Variants in DNAH3 observed in about 807,000 individuals in gnomAD.
The protein encoded by DNAH3 is dynein axonemal heavy chain 3, also known as axonemal beta dynein heavy chain 3.
Under a neutral mutation model 432.5 loss-of-function variants are expected in DNAH3, and 332 were observed. The observed-to-expected ratio is 0.77, with a 90% CI of 0.70 to 0.84. DNAH3 has a LOEUF of 0.84. Among genes scored for constraint, DNAH3 ranks in the 40% least tolerant of loss-of-function variants. The pLI, the probability that DNAH3 is intolerant of heterozygous loss-of-function variation, is 0.00. For missense variants in DNAH3, 4,861 were observed against 5,114.0 expected (o/e 0.95, Z 1.51); for synonymous variants, 1,956 against 1,900.2 (o/e 1.03, Z -0.76).
intron 38 of DNAH3, among the ~76,000 whole-genome samples, chr16:21,026,779 A>G (rs1331984681): frequency 6.6e-6 from 1 of 151,820 alleles, no homozygotes. Flanking sequence ...TGAGGATGGA[A>G]AAACAACCTG....
In DNAH3 at chr16:21,028,673, A is replaced by G. The variant is rs563940852; in HGVS notation, c.5440-1546T>C. ...TGTCTCAAAAAAAAAAAAAAGAAAG[A>G]AAAATCATCAGAATTTCTAGTGTGT... On this transcript the variant is annotated intron_variant, in intron 37 of 61. Coordinates refer to ENST00000261383, the Ensembl canonical transcript of DNAH3. 1.4e-3 allele frequency among the ~76,000 whole-genome samples: 211 copies of G among 151,890 alleles called. 8 individuals carry two copies. The South Asian group carries it at 0.043, about 31-fold the overall frequency.
chr16:21,049,084 C>T (rs1306692665), intron 31 of DNAH3, among the ~76,000 whole-genome samples: 2 of 151,994 alleles, frequency 1.3e-5, no homozygotes, highest in Admixed American at 6.6e-5. Flanking sequence ...GCCTCGAACT[C>T]CTGGGCTCAA....
chr16:21,101,817 C>T (rs887914400), intron 16 of DNAH3, among the ~76,000 whole-genome samples: 23 of 152,322 alleles, frequency 1.5e-4, no homozygotes, highest in Non-Finnish European at 2.8e-4. Flanking sequence ...GCTACTCTCC[C>T]ACCTCCTGCA....
chr16:21,127,950 G>C, intron 7 of DNAH3, 138 bp from the exon 9 acceptor site: 2 of 1,074,182 alleles, frequency 1.9e-6, no homozygotes, highest in Admixed American at 4.2e-5. Flanking sequence ...ATATGGGAAA[G>C]ATGCTGAGGA....
intron 1 of DNAH3, among the ~76,000 whole-genome samples, chr16:21,153,639 G>A (rs1014527247): frequency 1.3e-5 from 2 of 152,160 alleles, no homozygotes; most frequent in African/African-American, 4.8e-5. Flanking sequence ...CACTCACGGT[G>A]AAGGTCTGCA....
At chr16:21,051,711 G>A (rs868410224) in exon 29 of DNAH3, 3 of 1,613,722 alleles carry the variant, frequency 1.9e-6, no homozygotes, top group Non-Finnish European at 2.5e-6. Context: ...CCAGCCGGGG[G>A]GAGTTTCCCA....
At chr16:20,974,810 G>A (rs142394943) in intron 51 of DNAH3, among the ~76,000 whole-genome samples, 25 of 150,622 alleles carry the variant, frequency 1.7e-4, no homozygotes, top group African/African-American at 5.6e-4. Context: ...TGGGAGAGTC[G>A]CCTACCCCTT....
intron 56 of DNAH3, among the ~76,000 whole-genome samples, chr16:20,951,061 A>C (rs2084287862): frequency 1.3e-5 from 2 of 152,010 alleles, no homozygotes; most frequent in Non-Finnish European, 2.9e-5. Context: ...CAATCTTCCC[A>C]CCTTGGCCTC....
chr16:21,011,612 C>A (rs537558510), intron 41 of DNAH3, among the ~76,000 whole-genome samples: 13 of 152,272 alleles, frequency 8.5e-5, no homozygotes, highest in Non-Finnish European at 1.6e-4. Context: ...CCACCTGCCT[C>A]AGCCTCCCAA....
chr16:20,997,917 G>C (rs1220588477), intron 43 of DNAH3, among the ~76,000 whole-genome samples: 1 of 151,772 alleles, frequency 6.6e-6, no homozygotes, highest in East Asian at 1.9e-4. Context: ...TAAGATGAAA[G>C]GATTGTTTGA....
At chr16:21,036,910 T>G (rs1290638296) in intron 34 of DNAH3, 62 bp from the exon 35 acceptor site, 3 of 1,390,576 alleles carry the variant, frequency 2.2e-6, no homozygotes, top group Non-Finnish European at 2.0e-6. Flanking sequence ...GACCTCAACA[T>G]TTTCCTAAAA....
chr16:21,074,673 A>C (rs1055880993), intron 21 of DNAH3, among the ~76,000 whole-genome samples: 1 of 152,054 alleles, frequency 6.6e-6, no homozygotes, highest in Admixed American at 6.6e-5. Flanking sequence ...GAGATCACGC[A>C]GTTGCACTCC....
At chr16:21,092,432 G>C (rs1422554353) in intron 18 of DNAH3, among the ~76,000 whole-genome samples, 2 of 151,732 alleles carry the variant, frequency 1.3e-5, no homozygotes, top group South Asian at 4.2e-4. Flanking sequence ...CACAAAAAAA[G>C]AATCTAGACA....
intron 53 of DNAH3, among the ~76,000 whole-genome samples, chr16:20,960,039 A>G (rs1407203850): frequency 1.3e-5 from 2 of 152,140 alleles, no homozygotes; most frequent in Non-Finnish European, 2.9e-5. Context: ...TCTCAGTGGT[A>G]GCCAATGTGA....
Position 21,086,866 on chromosome 16 carries a change from C to T in DNAH3, c.2860G>A (p.Asp954Asn), listed in dbSNP as rs151130361. 269 of 1,614,144 alleles carry T rather than the reference C, an allele frequency of 1.7e-4. No individual in the cohort carries two copies. The African/African-American group carries it at 3.3e-3, about 20-fold the overall frequency. Residue 954 changes from aspartate (D) to asparagine (N), a missense_variant, in exon 19 of 62, where the codon GAC becomes AAC. Physicochemically the swap from Asp to Asn is conservative, Grantham distance 23. Transcript: ENST00000261383. ...ATAGAAACCTGCTGCCAGTGTCGGTCTTTCATTCCTGGGTTGCAGGAAATA... is the reference window on the plus strand; with the variant it reads ...ATAGAAACCTGCTGCCAGTGTCGGTTTTTCATTCCTGGGTTGCAGGAAATA...
intron 11 of DNAH3, among the ~76,000 whole-genome samples, chr16:21,120,162 G>A (rs2092305501): frequency 7.3e-6 from 1 of 136,628 alleles, no homozygotes; most frequent in South Asian, 2.3e-4. Flanking sequence ...GGAGTGCAAT[G>A]GTGCAATCAT....
chr16:20,988,500 C>T lies in DNAH3; in HGVS notation c.6602-435G>A, dbSNP rs112429613. ...TGCCATCTCAGTTCACTGCAACCTC[C>T]GCCTCCCGGGCTCAAGAGATTCTCC... On this transcript the variant is annotated intron_variant, in intron 44 of 61. Transcript: ENST00000261383. Among the ~76,000 whole-genome samples the T allele has an allele frequency of 2.0e-3, 312 of 152,288 alleles. 2 individuals are homozygous for T. Among genetic ancestry groups the T allele is most frequent in the African/African-American group, 6.8e-3 (281 of 41,552 alleles).
intron 5 of DNAH3, among the ~76,000 whole-genome samples, chr16:21,139,276 T>C (rs2092686037): frequency 6.7e-6 from 1 of 148,396 alleles, no homozygotes; most frequent in South Asian, 2.1e-4. Flanking sequence ...TATTTTAGTT[T>C]TCTCAAGAGA....
At chr16:21,025,589 T>C (rs942044052) in intron 38 of DNAH3, among the ~76,000 whole-genome samples, 5 of 150,912 alleles carry the variant, frequency 3.3e-5, no homozygotes, top group Non-Finnish European at 5.9e-5. Flanking sequence ...TTCTATATAA[T>C]ATTGCTAAGG....
Sources: allele counts gnomAD v4.1 joint callset (sites outside exome capture counted in the v4.1 genomes callset), GRCh38; gene constraint gnomAD v4.1.1; transcripts MANE v1.5; gene names NCBI Gene and HGNC (gene_info 2026-07-23, HGNC 2026-07-21).